Variants in ANO2 observed in about 807,000 individuals in gnomAD.
The protein encoded by ANO2 is anoctamin 2.
In ANO2, 101 loss-of-function variants were observed where a neutral mutation model predicts 124.2. The observed-to-expected ratio is 0.81, with a 90% CI of 0.69 to 0.96. ANO2 has a LOEUF of 0.96. Among genes scored for constraint, ANO2 ranks in the 40% least tolerant of loss-of-function variants. The pLI is 0.00. For missense variants in ANO2, 1,293 were observed against 1,274.5 expected (o/e 1.01, Z -0.22); for synonymous variants, 486 against 482.5 (o/e 1.01, Z -0.09).
rs149456417 is a variant in ANO2 at position 5,920,661 on chromosome 12, C to T, written c.534+379G>A. On this transcript the variant is annotated intron_variant, in intron 3 of 24. Coordinates refer to ENST00000682330, the MANE Select transcript of ANO2 (RefSeq NM_001364791.2). ...ATGCCAGATCAGAAGGTCGGGAGAT[C>T]GAGACCATCCTGGCTAACACGGTGA... Among the ~76,000 whole-genome samples the T allele has an allele frequency of 4.9e-3, 744 of 152,110 alleles. 6 individuals carry two copies. The highest frequency in any genetic ancestry group is 0.017 in the African/African-American group (700 of 41,510).
chr12:5,797,575 C>CG (rs1334697714), intron 10 of ANO2, among the ~76,000 whole-genome samples: 9 of 152,170 alleles, frequency 5.9e-5, no homozygotes, highest in Non-Finnish European at 7.3e-5. Flanking sequence ...CCCTAGTGCT[C>CG]CCCACCACCA....
intron 16 of ANO2, among the ~76,000 whole-genome samples, chr12:5,632,406 T>A (rs1029764670): frequency 1.3e-5 from 2 of 151,994 alleles, no homozygotes; most frequent in Non-Finnish European, 2.9e-5. Context: ...ATGCAGTTTT[T>A]GTGAAGATGA....
intron 13 of ANO2, among the ~76,000 whole-genome samples, chr12:5,735,154 C>CG (rs1271566052): frequency 6.6e-6 from 1 of 152,102 alleles, no homozygotes; most frequent in African/African-American, 2.4e-5. Flanking sequence ...ATCCAGCCCC[C>CG]GGGAGGGCTG....
chr12:5,872,469 C>T (rs777596090), intron 3 of ANO2, among the ~76,000 whole-genome samples: 12 of 152,230 alleles, frequency 7.9e-5, no homozygotes, highest in South Asian at 2.1e-4. Context: ...ACAGGGGCTT[C>T]GAAGGCTTCA....
chr12:5,864,168 G>A (rs1251588068), intron 3 of ANO2, among the ~76,000 whole-genome samples: 1 of 152,158 alleles, frequency 6.6e-6, no homozygotes, highest in Non-Finnish European at 1.5e-5. Flanking sequence ...AGCCCACCGA[G>A]GCAGTAGCCC....
intron 9 of ANO2, among the ~76,000 whole-genome samples, chr12:5,805,398 G>A (rs143504693): frequency 2.2e-3 from 339 of 152,212 alleles, no homozygotes; most frequent in African/African-American, 7.2e-3. Context: ...GGGGATCATC[G>A]GTGCATCCCC....
chr12:5,822,227 T>G (rs1037070625), intron 7 of ANO2, among the ~76,000 whole-genome samples: 12 of 152,108 alleles, frequency 7.9e-5, no homozygotes, highest in African/African-American at 2.9e-4. Context: ...AATGGTTTGG[T>G]TGGATGGTCA....
At chr12:5,874,865 C>A (rs1000416570) in intron 3 of ANO2, among the ~76,000 whole-genome samples, 1 of 152,200 alleles carries the variant, frequency 6.6e-6, no homozygotes, top group Non-Finnish European at 1.5e-5. Context: ...AAAGTGCAGG[C>A]CACGTGGTTT....
At chr12:5,673,253 C>T (rs1230322950) in intron 14 of ANO2, among the ~76,000 whole-genome samples, 2 of 152,154 alleles carry the variant, frequency 1.3e-5, no homozygotes, top group Non-Finnish European at 2.9e-5. Context: ...CTAGATGACA[C>T]CATGCAGTAG....
chr12:5,824,241 GT>G (rs1953892095), intron 7 of ANO2, among the ~76,000 whole-genome samples: 1 of 152,196 alleles, frequency 6.6e-6, no homozygotes, highest in Non-Finnish European at 1.5e-5. Context: ...AGAAAAATGG[GT>G]TTTTCTTTTC....
chr12:5,789,101 A>T (rs1952625339), intron 10 of ANO2, among the ~76,000 whole-genome samples: 1 of 152,204 alleles, frequency 6.6e-6, no homozygotes, highest in South Asian at 2.1e-4. Flanking sequence ...CAAAGAAGAG[A>T]TCACCGCAGG....
rs372991029 is a variant in ANO2, at chr12:5,799,550, G to A, written c.1012C>T (p.Arg338Cys). Reference sequence around the variant, plus strand: ...TGGAACTTATAGAACACTCCATAGCGCGCCCATTCTTGATATAGCAGCTAA... The same window carrying A: ...TGGAACTTATAGAACACTCCATAGCACGCCCATTCTTGATATAGCAGCTAA... ...DRKLLYQEWA[R>C]YGVFYKFQPI... Residue 338 changes from arginine (R) to cysteine (C), a missense_variant, in exon 10 of 25, where the codon CGC becomes TGC. By Grantham distance (180) the Arg-to-Cys change is radical. Transcript: ENST00000682330. 78 of 1,613,778 alleles carry A rather than the reference G, an allele frequency of 4.8e-5. No individual in the cohort carries two copies. Among genetic ancestry groups the A allele is most frequent in the African/African-American group, 1.7e-4 (13 of 74,900 alleles).
At chr12:5,783,507 A>AT (rs1952459960) in intron 10 of ANO2, among the ~76,000 whole-genome samples, 1 of 152,364 alleles carries the variant, frequency 6.6e-6, no homozygotes, top group East Asian at 1.9e-4. Context: ...CCCAGCTCTT[A>AT]GGAAGTATCA....
chr12:5,748,463 C>T (rs1222998246), intron 11 of ANO2, among the ~76,000 whole-genome samples: 1 of 152,138 alleles, frequency 6.6e-6, no homozygotes, highest in Non-Finnish European at 1.5e-5. Flanking sequence ...AACTTCTCTG[C>T]TTATTAGAAA....
intron 4 of ANO2, among the ~76,000 whole-genome samples, chr12:5,844,250 T>G (rs1221814974): frequency 6.6e-6 from 1 of 152,156 alleles, no homozygotes; most frequent in Non-Finnish European, 1.5e-5. Context: ...GAGCTCCATC[T>G]AGGCTACACA....
chr12:5,610,959 A>G (rs985353862), intron 19 of ANO2, among the ~76,000 whole-genome samples: 2 of 121,648 alleles, frequency 1.6e-5, no homozygotes, highest in African/African-American at 3.1e-5. Flanking sequence ...ACATCCTGGA[A>G]CAAACTTCTC....
chr12:5,609,810 C>T (rs1230714187), intron 19 of ANO2, among the ~76,000 whole-genome samples: 1 of 151,308 alleles, frequency 6.6e-6, no homozygotes, highest in African/African-American at 2.4e-5. Flanking sequence ...CCTGTAGCAC[C>T]AACTGGGTCA....
chr12:5,639,448 C>G (rs1448118416), intron 15 of ANO2, among the ~76,000 whole-genome samples: 1 of 152,068 alleles, frequency 6.6e-6, no homozygotes, highest in Non-Finnish European at 1.5e-5. Context: ...AGTGGGAAAA[C>G]ATAGACAATA....
At chr12:5,651,951 A>C (rs959464450) in intron 14 of ANO2, among the ~76,000 whole-genome samples, 3 of 152,246 alleles carry the variant, frequency 2.0e-5, no homozygotes, top group African/African-American at 4.8e-5. Context: ...TTGCTGAATA[A>C]TATTCCACTG....
Sources: gnomAD v4.1 joint callset for allele counts (sites outside exome capture counted in the v4.1 genomes callset) on GRCh38, gnomAD v4.1.1 for gene constraint, MANE v1.5 for transcripts, NCBI Gene and HGNC (gene_info 2026-07-23, HGNC 2026-07-21) for gene names.